Variants in EPCAM observed in about 807,000 individuals in gnomAD.
The protein encoded by EPCAM is adenocarcinoma-associated antigen.
A neutral mutation model predicts 40.0 loss-of-function variants in EPCAM; 39 were observed. The ratio of observed to expected loss-of-function variants is 0.98; its 90% CI spans 0.76 to 1.27. EPCAM has a LOEUF of 1.27. Ranked by LOEUF, EPCAM falls within the 50% of genes most tolerant of loss-of-function variation. The pLI, the probability that EPCAM is intolerant of heterozygous loss-of-function variation, is 0.00. For missense variants in EPCAM, 503 were observed against 381.2 expected (o/e 1.32, Z -2.66); for synonymous variants, 168 against 132.3 (o/e 1.27, Z -1.85).
chr2:47,383,993 CTTT>C (rs1671669128), intron 7 of EPCAM, among the ~76,000 whole-genome samples: 1 of 151,656 alleles, frequency 6.6e-6, no homozygotes, highest in Non-Finnish European at 1.5e-5. Flanking sequence ...CTTTCTCTTT[CTTT>C]TCTGTTGTCC....
At chr2:47,371,833 C>T (rs58676151) in intron 1 of EPCAM, among the ~76,000 whole-genome samples, 2,203 of 152,192 alleles carry the variant, frequency 0.014, 55 homozygotes, top group African/African-American at 0.05. Context: ...TGGTTCATAT[C>T]GACTATAACT....
intron 7 of EPCAM, among the ~76,000 whole-genome samples, chr2:47,383,607 CTTTTTTTTTTTTTTTTTTTTTTT>C (rs760722807): frequency 4.3e-3 from 157 of 36,436 alleles, no homozygotes; most frequent in Non-Finnish European, 7.3e-3. Context: ...CCGGCTTCTT[CTTTTTTTTTTTTTTTTTTTTTTT>C]TTTTTTTTTT....
At position 47,369,333 on chromosome 2, in the gene EPCAM, A is replaced by G; in HGVS notation, c.-173A>G. The G allele has an allele frequency of 7.6e-7, 1 of 1,307,454 alleles. No homozygotes were observed. Among genetic ancestry groups the G allele is most frequent in the Non-Finnish European group, 1.0e-6 (1 of 1,001,634 alleles). The allele number at this position is 1,307,454 out of a possible 1,614,324, so 81.0% of individuals were successfully genotyped here. On this transcript the variant is annotated 5_prime_UTR_variant, in exon 1 of 9. Coordinates refer to ENST00000263735, the MANE Select transcript of EPCAM (RefSeq NM_002354.3). ...CGCACAGAGCGCTAGTCCTTCGGCGAGCGAGCACCTTCGACGCGGTCCGGG... is the reference window on the plus strand; with the variant it reads ...CGCACAGAGCGCTAGTCCTTCGGCGGGCGAGCACCTTCGACGCGGTCCGGG...
intron 1 of EPCAM, among the ~76,000 whole-genome samples, chr2:47,370,703 G>C (rs1355074063): frequency 3.3e-5 from 5 of 151,722 alleles, no homozygotes; most frequent in Admixed American, 3.3e-4. Flanking sequence ...CTTTATGCCT[G>C]GCTAATTTTT....
In EPCAM at chr2:47,379,796, A is replaced by T. The variant is rs1671532729; in HGVS notation, c.685A>T (p.Lys229Ter). The stretch of plus-strand genomic sequence containing the variant: ...TAAAGGTGAATCCTTGTTTCATTCT[A>T]AGAAAATGGACCTGACAGTAAATGG... ...DVKGESLFHS[K>*]KMDLTVNGEQ... is the part of the protein sequence containing the mutation. Residue 229 changes from lysine to a stop codon, truncating the protein, a stop_gained, in exon 7 of 9, where the codon AAG becomes TAG. Coordinates refer to ENST00000263735, the MANE Select transcript of EPCAM (RefSeq NM_002354.3). LOFTEE classifies it high-confidence loss of function. 1 of 1,613,576 alleles carries T rather than the reference A, an allele frequency of 6.2e-7. No individual in the cohort carries two copies. Among genetic ancestry groups the T allele is most frequent in the Non-Finnish European group, 8.5e-7 (1 of 1,179,878 alleles).
In EPCAM at chr2:47,369,450, G is replaced by A. The variant is rs2103737658; in HGVS notation, c.-56G>A. ...TCCTCGTGTCCCACTCCCGGCGCAC[G>A]CCCTCCCGCGAGTCCCGGGCCCCTC... On this transcript the variant is annotated 5_prime_UTR_variant, in exon 1 of 9. Coordinates refer to ENST00000263735, the MANE Select transcript of EPCAM (RefSeq NM_002354.3). 7.3e-7 allele frequency: 1 copy of A among 1,369,314 alleles called. No individual in the cohort carries two copies. The highest frequency in any genetic ancestry group is 9.5e-7 in the Non-Finnish European group (1 of 1,057,172). 84.8% of individuals were successfully genotyped at this position (1,369,314 alleles called of 1,614,324 possible).
Position 47,380,717 on chromosome 2 carries a change from C to T in EPCAM, c.858+748C>T, listed in dbSNP as rs573125399. Among the ~76,000 whole-genome samples, 2 of 152,182 alleles carry T rather than the reference C, an allele frequency of 1.3e-5. 1 individual carries two copies. Among genetic ancestry groups the T allele is most frequent in the South Asian group, 4.1e-4 (2 of 4,834 alleles). The stretch of plus-strand genomic sequence containing the variant: ...GATGAGCAAATTGAATTTAACAGTG[C>T]TTCAGCAAAAGAATGTATTGCTTGA... On this transcript the variant is annotated intron_variant, in intron 7 of 8. Transcript: ENST00000263735.
chr2:47,379,143 C>T (rs1671508086), intron 6 of EPCAM, 89 bp downstream of exon 6: 1 of 800,130 alleles, frequency 1.2e-6, no homozygotes, highest in Admixed American at 1.9e-5. Context: ...TTTTTATCCA[C>T]TTACAGATCA....
intron 7 of EPCAM, 123 bp downstream of exon 7, chr2:47,380,092 G>C: frequency 1.3e-6 from 2 of 1,484,986 alleles, no homozygotes; most frequent in East Asian, 2.5e-5. Context: ...GAGACAGGTG[G>C]ATCACTTGAG....
chr2:47,373,717 C>T (rs1671345181), intron 2 of EPCAM, 91 bp from the exon 3 acceptor site: 20 of 1,561,340 alleles, frequency 1.3e-5, no homozygotes, highest in Non-Finnish European at 1.7e-5. Flanking sequence ...TTCAAATAAT[C>T]TTTGACCCTG....
Position 47,378,983 on chromosome 2 carries a change from G to A in EPCAM, c.586G>A (p.Val196Ile), listed in dbSNP as rs2103757066. Residue 196 changes from valine to isoleucine, a missense_variant, in exon 6 of 9, where the codon GTT (valine) becomes ATT (isoleucine). Coordinates refer to ENST00000263735, the MANE Select transcript of EPCAM (RefSeq NM_002354.3). Reference protein sequence around the residue: ...YENNVITIDLVQNSSQKTQND... With the variant: ...YENNVITIDLIQNSSQKTQND... ...GAATAATGTTATCACTATTGATCTG[G>A]TTCAAAATTCTTCTCAAAAAACTCA... is the stretch of plus-strand genomic sequence containing the variant. The A allele has an allele frequency of 1.9e-6, 3 of 1,592,796 alleles. No homozygotes were observed. The highest frequency in any genetic ancestry group is 2.2e-5 in the East Asian group (1 of 44,690).
chr2:47,370,047 G>A (rs1456782714), intron 1 of EPCAM, among the ~76,000 whole-genome samples: 1 of 152,266 alleles, frequency 6.6e-6, no homozygotes, highest in Admixed American at 6.5e-5. Flanking sequence ...GGCGGGGACA[G>A]GCGCCCGCAG....
At chr2:47,377,530 C>T (rs1671459390) in intron 5 of EPCAM, 1 of 242,180 alleles carries the variant, frequency 4.1e-6, no homozygotes, top group African/African-American at 2.3e-5. Context: ...AGCCACCACG[C>T]CCGGCCCATT....
At position 47,369,500 on chromosome 2, in the gene EPCAM, C is replaced by A; in HGVS notation, c.-6C>A. 2 of 1,536,440 alleles carry A rather than the reference C, an allele frequency of 1.3e-6. No individual in the cohort carries two copies. Among genetic ancestry groups the A allele is most frequent in the Non-Finnish European group, 1.7e-6 (2 of 1,146,790 alleles). ...CCCGCGCCCCTCTTCTCGGCGCGCG[C>A]GCAGCATGGCGCCCCCGCAGGTCCT... On this transcript the variant is annotated 5_prime_UTR_variant, in exon 1 of 9. Coordinates refer to ENST00000263735, the MANE Select transcript of EPCAM (RefSeq NM_002354.3).
intron 5 of EPCAM, among the ~76,000 whole-genome samples, chr2:47,378,551 C>T (rs1357511838): frequency 6.6e-6 from 1 of 152,136 alleles, no homozygotes; most frequent in Non-Finnish European, 1.5e-5. Flanking sequence ...ATCCGCCCAC[C>T]TCAGCCTCCC....
At chr2:47,373,231 A>AAAAAAAAC (rs1558434793) in intron 1 of EPCAM, among the ~76,000 whole-genome samples, 13 of 137,230 alleles carry the variant, frequency 9.5e-5, no homozygotes, top group Non-Finnish European at 1.5e-4. Flanking sequence ...AAAAAAAAAA[A>AAAAAAAAC]AAAACAGGAA....
rs751264236 is a variant in EPCAM at position 47,385,211 on chromosome 2, G to A, written c.903+1G>A. On this transcript the variant is annotated splice_donor_variant, in intron 8 of 8. Coordinates refer to ENST00000263735, the MANE Select transcript of EPCAM (RefSeq NM_002354.3). LOFTEE classifies it high-confidence loss of function. Reference sequence around the variant, plus strand: ...AATGGCAAAGTATGAGAAGGCTGAGGTAAATGGATTACTTACCTAAATAGA... The same window carrying A: ...AATGGCAAAGTATGAGAAGGCTGAGATAAATGGATTACTTACCTAAATAGA... 24 of 1,611,610 alleles carry A rather than the reference G, an allele frequency of 1.5e-5. No individual in the cohort carries two copies. The highest frequency in any genetic ancestry group is 1.8e-5 in the Non-Finnish European group (21 of 1,177,876).
intron 1 of EPCAM, among the ~76,000 whole-genome samples, chr2:47,370,572 G>GCC (rs1373343851): frequency 1.4e-5 from 2 of 147,894 alleles, no homozygotes; most frequent in Non-Finnish European, 3.0e-5. Flanking sequence ...ACCGTGCCCG[G>GCC]CCTATTTTAT....
chr2:47,369,447 C>G lies in EPCAM; in HGVS notation c.-59C>G. 1 of 1,363,196 alleles carries G rather than the reference C, an allele frequency of 7.3e-7. No homozygotes were observed. The highest frequency in any genetic ancestry group is 1.6e-5 in the South Asian group (1 of 61,104). 84.4% of individuals were successfully genotyped at this position (1,363,196 alleles called of 1,614,324 possible). On this transcript the variant is annotated 5_prime_UTR_variant, in exon 1 of 9. Transcript: ENST00000263735. ...GGCTCCTCGTGTCCCACTCCCGGCG[C>G]ACGCCCTCCCGCGAGTCCCGGGCCC...
Sources: gnomAD v4.1 joint callset for allele counts (sites outside exome capture counted in the v4.1 genomes callset) on GRCh38, gnomAD v4.1.1 for gene constraint, MANE v1.5 for transcripts, NCBI Gene and HGNC (gene_info 2026-07-23, HGNC 2026-07-21) for gene names.